The following DHODH variants were observed in gnomAD, a reference collection of about 807,000 sequenced individuals.
DHODH encodes the protein dihydroorotate dehydrogenase (quinone), mitochondrial.
In DHODH, 30 loss-of-function variants were observed where a neutral mutation model predicts 39.7. The ratio of observed to expected loss-of-function variants is 0.76; its 90% CI spans 0.57 to 1.02. The LOEUF is 1.02. Ranked by LOEUF, DHODH falls within the 50% of genes least tolerant of loss-of-function variation. The pLI is 0.00. For missense variants in DHODH, 531 were observed against 520.8 expected, an observed-to-expected ratio of 1.02 and a Z score of -0.19; for synonymous variants, 222 against 213.8, an observed-to-expected ratio of 1.04 and a Z score of -0.34.
At chr16:72,020,329 G>GTATATATATATATATA (rs60652629) in intron 4 of DHODH, 2 of 102,184 alleles carry the variant, frequency 2.0e-5, no homozygotes, top group Admixed American at 1.2e-4. Flanking sequence ...ATGTATATGT[G>GTATATATATATATATA]TATATATATA....
intron 4 of DHODH, among the ~76,000 whole-genome samples, chr16:72,017,925 C>G (rs983548439): frequency 6.6e-6 from 1 of 152,108 alleles, no homozygotes; most frequent in African/African-American, 2.4e-5. Context: ...GCACCCGCCG[C>G]CACACCCAGC....
In DHODH at chr16:72,008,781, T is replaced by C. The variant is rs1168668084; in HGVS notation, c.17T>C (p.Leu6Pro). 1.9e-6 allele frequency: 3 copies of C among 1,551,794 alleles called. No individual in the cohort carries two copies. The highest frequency in any genetic ancestry group is 2.6e-6 in the Non-Finnish European group (3 of 1,147,050). The change falls in exon 1 of 9, where the codon CTG becomes CCG. Residue 6 changes from leucine to proline, a missense_variant. By Grantham distance (98) the Leu-to-Pro change is moderately conservative (BLOSUM62 -3). Transcript: ENST00000219240. MAWRH[L>P]KKRAQDAVII... The stretch of plus-strand genomic sequence containing the variant: ...GGAAGGAGCATGGCGTGGAGACACC[T>C]GAAAGTGAGTCCCGCGAGTGAGCAG...
chr16:72,021,422 C>A, intron 5 of DHODH, 111 bp downstream of exon 5: 1 of 1,204,752 alleles, frequency 8.3e-7, no homozygotes, highest in Non-Finnish European at 1.2e-6. Flanking sequence ...GTCCTTAGCA[C>A]CTAGACCAGT....
rs770394801 is a variant in DHODH, at chr16:72,014,541, G to A, written c.303G>A (p.Gly101=). Residue 101 remains glycine (G), a synonymous_variant, in exon 3 of 9, where the codon GGG becomes GGA. Coordinates refer to ENST00000219240, the MANE Select transcript of DHODH (RefSeq NM_001361.5). The part of the protein sequence containing the change: ...VGIAAGFDKH[G]EAVDGLYKMG... ...TTGCTGCAGGATTTGACAAGCATGGGGAAGCCGTGGACGGACTTTATAAGA... is the reference window on the plus strand; with the variant it reads ...TTGCTGCAGGATTTGACAAGCATGGAGAAGCCGTGGACGGACTTTATAAGA... 7 of 1,614,192 alleles carry A rather than the reference G, an allele frequency of 4.3e-6. No homozygotes were observed. The highest frequency in any genetic ancestry group is 8.5e-7 in the Non-Finnish European group (1 of 1,180,038).
Position 72,014,454 on chromosome 16 carries a change from T to G in DHODH, c.235-19T>G, listed in dbSNP as rs764743480. Reference sequence around the variant, plus strand: ...GGGATAGCCTTAGCGTGCCTCTGACTTTGTCTTCCTCTTCCCAGGAAGTGA... The same window carrying G: ...GGGATAGCCTTAGCGTGCCTCTGACGTTGTCTTCCTCTTCCCAGGAAGTGA... On this transcript the variant is annotated intron_variant, in intron 2 of 8. Coordinates refer to ENST00000219240, the MANE Select transcript of DHODH (RefSeq NM_001361.5). 1.9e-6 allele frequency: 3 copies of G among 1,612,992 alleles called. No homozygotes were observed. In the Admixed American group the frequency reaches 5.0e-5, roughly 27 times the overall value.
At chr16:72,010,140 C>A (rs112177214) in intron 1 of DHODH, among the ~76,000 whole-genome samples, 21 of 152,262 alleles carry the variant, frequency 1.4e-4, no homozygotes, top group Admixed American at 3.3e-4. Flanking sequence ...GAACAAAACC[C>A]AAATCTTTAT....
intron 3 of DHODH, chr16:72,015,748 G>T (rs28452280): frequency 1.0e-6 from 1 of 985,334 alleles, no homozygotes; most frequent in African/African-American, 1.7e-5. Flanking sequence ...AGCTGCTACA[G>T]ATAACTGCAG....
rs1228120130 is a variant in DHODH at position 72,022,406 on chromosome 16, A to G, written c.750A>G (p.Ala250=). ...GCTTGCGGAGAGTGCACAGGCCGGC[A>G]GTCCTGGTGAAGATCGCTCCTGACC... The part of the protein sequence containing the change: ...RDGLRRVHRP[A]VLVKIAPDLT... Residue 250 remains alanine, a synonymous_variant, in exon 6 of 9, where the codon GCA becomes GCG. Transcript: ENST00000219240. 6.4e-7 allele frequency: 1 copy of G among 1,557,342 alleles called. No individual in the cohort carries two copies. Among genetic ancestry groups the G allele is most frequent in the Non-Finnish European group, 8.7e-7 (1 of 1,150,270 alleles).
chr16:72,011,968 T>A (rs1323407946), intron 1 of DHODH, 82 bp from the exon 2 acceptor site: 2 of 1,135,952 alleles, frequency 1.8e-6, no homozygotes, highest in East Asian at 4.7e-5. Context: ...CGTTATGCCC[T>A]CTGTGTACCT....
chr16:72,018,915 T>C (rs1459663030), intron 4 of DHODH, among the ~76,000 whole-genome samples: 1 of 152,244 alleles, frequency 6.6e-6, no homozygotes, highest in East Asian at 1.9e-4. Context: ...TGATGGGTGC[T>C]AGACTGGGAA....
intron 4 of DHODH, among the ~76,000 whole-genome samples, chr16:72,017,492 A>G (rs1447320417): frequency 1.3e-5 from 2 of 152,208 alleles, no homozygotes; most frequent in African/African-American, 2.4e-5. Flanking sequence ...AATAATGTTC[A>G]TTAATTATAG....
chr16:72,021,396 A>C, intron 5 of DHODH, 85 bp downstream of exon 5: 1 of 1,430,534 alleles, frequency 7.0e-7, no homozygotes, highest in Non-Finnish European at 9.5e-7. Context: ...AACCTTCAGC[A>C]TCACCCTCAG....
chr16:72,024,364 G>A lies in DHODH; in HGVS notation c.*165G>A. ...GGGGGGTCACCAGGATCAACCGCAG[G>A]CTTTCTTCAGTCCCTTGGTCAGACC... On this transcript the variant is annotated 3_prime_UTR_variant, in exon 9 of 9. Transcript: ENST00000219240. 1 of 722,802 alleles carries A rather than the reference G, an allele frequency of 1.4e-6. No homozygotes were observed. The highest frequency in any genetic ancestry group is 2.5e-6 in the Non-Finnish European group (1 of 403,296). The allele number at this position is 722,802 out of a possible 1,614,324, so 44.8% of individuals were successfully genotyped here.
At position 72,008,768 on chromosome 16, in the gene DHODH, G is replaced by C; in HGVS notation, c.4G>C (p.Ala2Pro). The change falls in exon 1 of 9, where the codon GCG (alanine) becomes CCG (proline). Residue 2 changes from alanine (A) to proline (P), a missense_variant. Transcript: ENST00000219240. Reference protein sequence around the residue: MAWRHLKKRAQD... With the variant: MPWRHLKKRAQD... ...CGGGCTTAATGACGGAAGGAGCATG[G>C]CGTGGAGACACCTGAAAGTGAGTCC... 1.9e-6 allele frequency: 3 copies of C among 1,551,790 alleles called. No individual in the cohort carries two copies. The highest frequency in any genetic ancestry group is 2.6e-6 in the Non-Finnish European group (3 of 1,147,032).
rs2041211011 is a variant in DHODH, at chr16:72,021,195, G to T, written c.589G>T (p.Gly197Trp). The T allele has an allele frequency of 2.5e-6, 4 of 1,610,848 alleles. No individual in the cohort carries two copies. The highest frequency in any genetic ancestry group is 1.3e-5 in the African/African-American group (1 of 74,908). The part of the protein sequence containing the change: ...SVDAAEDYAE[G>W]VRVLGPLADY... Reference sequence around the variant, plus strand: ...GGACGCCGCGGAGGACTACGCAGAAGGGGTGCGCGTACTGGGCCCCCTGGC... The same window carrying T: ...GGACGCCGCGGAGGACTACGCAGAATGGGTGCGCGTACTGGGCCCCCTGGC... The change falls in exon 5 of 9, where the codon GGG (glycine) becomes TGG (tryptophan). Residue 197 changes from glycine to tryptophan, a missense_variant. Physicochemically the swap from Gly to Trp is radical, Grantham distance 184 (BLOSUM62 -2). Coordinates refer to ENST00000219240, the MANE Select transcript of DHODH (RefSeq NM_001361.5).
intron 4 of DHODH, among the ~76,000 whole-genome samples, chr16:72,019,927 A>C (rs1159756849): frequency 6.6e-6 from 1 of 152,152 alleles, no homozygotes; most frequent in Non-Finnish European, 1.5e-5. Flanking sequence ...GGATCATTTG[A>C]GGTCAGGGGT....
At chr16:72,020,962 G>A (rs994206164) in intron 4 of DHODH, among the ~76,000 whole-genome samples, 162 bp from the exon 5 acceptor site, 2 of 152,216 alleles carry the variant, frequency 1.3e-5, no homozygotes, top group South Asian at 2.1e-4. Context: ...GTCAGCAGGC[G>A]GGCCCAGGCC....
At chr16:72,009,541 G>A (rs1250467261) in intron 1 of DHODH, among the ~76,000 whole-genome samples, 1 of 145,272 alleles carries the variant, frequency 6.9e-6, no homozygotes, top group Non-Finnish European at 1.5e-5. Flanking sequence ...AAAAATAGGT[G>A]TTCAGATATT....
chr16:72,011,832 G>A (rs1480670570), intron 1 of DHODH, among the ~76,000 whole-genome samples: 1 of 152,062 alleles, frequency 6.6e-6, no homozygotes, highest in African/African-American at 2.4e-5. Flanking sequence ...TTAAATTTCT[G>A]GCCTGGAGTC....
Sources: gnomAD v4.1 joint callset for allele counts (sites outside exome capture counted in the v4.1 genomes callset) on GRCh38, gnomAD v4.1.1 for gene constraint, MANE v1.5 for transcripts, NCBI Gene and HGNC (gene_info 2026-07-23, HGNC 2026-07-21) for gene names.